NCAM2: variants seen among roughly 807,000 people sequenced by gnomAD.
The protein encoded by NCAM2 is N-CAM-2.
In NCAM2, 30 loss-of-function variants were observed where a neutral mutation model predicts 98.1. That is an observed-to-expected ratio of 0.31 (90% CI 0.23 to 0.41). The LOEUF (loss-of-function observed/expected upper bound fraction) is 0.41. Ranked by LOEUF, NCAM2 falls within the 10% of genes least tolerant of loss-of-function variation. NCAM2 has a pLI of 1.00. For missense variants in NCAM2, 867 were observed against 1,005.8 expected, an observed-to-expected ratio of 0.86 and a Z score of 1.87; for synonymous variants, 368 against 342.4, an observed-to-expected ratio of 1.07 and a Z score of -0.83.
chr21:21,447,688 A>T (rs1602369658), intron 12 of NCAM2, among the ~76,000 whole-genome samples: 1 of 152,148 alleles, frequency 6.6e-6, no homozygotes, highest in African/African-American at 2.4e-5. Context: ...GAACTTAAAC[A>T]AATTTACAAG....
chr21:21,251,150 A>T (rs2071454932), intron 1 of NCAM2, among the ~76,000 whole-genome samples: 1 of 151,970 alleles, frequency 6.6e-6, no homozygotes, highest in African/African-American at 2.4e-5. Flanking sequence ...AGCCAGAATT[A>T]TTATTTTATT....
At chr21:21,460,732 C>T (rs1043058655) in intron 12 of NCAM2, among the ~76,000 whole-genome samples, 3 of 151,792 alleles carry the variant, frequency 2.0e-5, no homozygotes, top group African/African-American at 7.2e-5. Flanking sequence ...TATGTGTCCT[C>T]ACAAGATCCT....
intron 1 of NCAM2, among the ~76,000 whole-genome samples, chr21:21,185,979 G>GTAA (rs2146938593): frequency 6.6e-6 from 1 of 152,278 alleles, no homozygotes; most frequent in East Asian, 1.9e-4. Context: ...GATTGCAGTG[G>GTAA]TAATAACATA....
At chr21:21,318,286 T>A (rs2074276911) in intron 5 of NCAM2, among the ~76,000 whole-genome samples, 2 of 152,194 alleles carry the variant, frequency 1.3e-5, no homozygotes, top group Non-Finnish European at 2.9e-5. Context: ...ATTTATTTAT[T>A]TATATATTTA....
intron 1 of NCAM2, among the ~76,000 whole-genome samples, chr21:21,146,270 G>C (rs12185835): frequency 0.97 from 147,376 of 151,852 alleles, 71,654 homozygotes; most frequent in East Asian, 1. Context: ...CACAGCCTTA[G>C]TTTTTATTTT....
chr21:21,494,167 G>A (rs911225719), intron 15 of NCAM2, among the ~76,000 whole-genome samples: 5 of 151,676 alleles, frequency 3.3e-5, no homozygotes, highest in Non-Finnish European at 7.4e-5. Context: ...TTTAGAAAAC[G>A]CAGAAGTTTT....
chr21:21,311,394 G>A (rs1358321297), intron 5 of NCAM2, among the ~76,000 whole-genome samples: 1 of 142,624 alleles, frequency 7.0e-6, no homozygotes, highest in Non-Finnish European at 1.5e-5. Context: ...AGGCTGGAGT[G>A]CAATGATGCA....
At chr21:21,237,994 C>T (rs1206555397) in intron 1 of NCAM2, among the ~76,000 whole-genome samples, 12 of 122,804 alleles carry the variant, frequency 9.8e-5, no homozygotes, top group Non-Finnish European at 1.6e-4. Context: ...CTCGCTCTGT[C>T]GCCCAGGCTG....
intron 1 of NCAM2, chr21:21,210,506 G>T: frequency 7.8e-7 from 1 of 1,279,180 alleles, no homozygotes; most frequent in South Asian, 1.2e-5. Flanking sequence ...AACTCAAAGG[G>T]TGTAAGAGAC....
At chr21:21,137,842 A>AT (rs10645764) in intron 1 of NCAM2, among the ~76,000 whole-genome samples, 3,485 of 149,980 alleles carry the variant, frequency 0.023, 97 homozygotes, top group African/African-American at 0.065. Context: ...TCGTCACTTC[A>AT]TTTTTTTTTT....
chr21:21,123,847 G>GTTTTTTTTTTTTTT (rs1569047303), intron 1 of NCAM2, among the ~76,000 whole-genome samples: 1 of 14,810 alleles, frequency 6.8e-5, no homozygotes. Flanking sequence ...ATTCTTGATT[G>GTTTTTTTTTTTTTT]CTTTTTTTTT....
At chr21:21,102,357 A>G (rs1254297103) in intron 1 of NCAM2, among the ~76,000 whole-genome samples, 1 of 152,054 alleles carries the variant, frequency 6.6e-6, no homozygotes, top group Non-Finnish European at 1.5e-5. Context: ...GGGTGTGACA[A>G]CTTGATAATT....
At chr21:21,248,385 C>T (rs2071356201) in intron 1 of NCAM2, among the ~76,000 whole-genome samples, 2 of 151,926 alleles carry the variant, frequency 1.3e-5, no homozygotes, top group East Asian at 3.9e-4. Context: ...ATTGAGTAAC[C>T]TTACTTTTCT....
chr21:21,246,055 G>A (rs1026970020), intron 1 of NCAM2, among the ~76,000 whole-genome samples: 6 of 152,162 alleles, frequency 3.9e-5, no homozygotes, highest in African/African-American at 1.4e-4. Flanking sequence ...TAGCTAAAAT[G>A]ACAGCGTACT....
Position 21,280,636 on chromosome 21 carries a change from A to T in NCAM2, c.114A>T (p.Lys38Asn), listed in dbSNP as rs1193520637. 1 of 1,593,382 alleles carries T rather than the reference A, an allele frequency of 6.3e-7. No individual in the cohort carries two copies. The highest frequency in any genetic ancestry group is 8.6e-7 in the Non-Finnish European group (1 of 1,169,586). Residue 38 changes from lysine to asparagine, a missense_variant, in exon 2 of 18, where the codon AAA (lysine) becomes AAT (asparagine). This residue lies in a region of NCAM2 where 447 missense variants were observed against 495.7 expected (regional missense o/e 0.90). Transcript: ENST00000400546. ...SKVELSVGES[K>N]FFTCTAIGEP... ...TAGAGCTTAGTGTTGGAGAATCTAA[A>T]TTCTTCACATGTACAGGTACGTATT...
rs74615456 is a variant in NCAM2, at chr21:21,136,464, C to T, written c.55+137846C>T. 7.8e-4 allele frequency among the ~76,000 whole-genome samples: 114 copies of T among 146,870 alleles called. 1 individual carries two copies. Among genetic ancestry groups the T allele is most frequent in the African/African-American group, 2.5e-3 (99 of 40,182 alleles). ...AAATTGTACTCTACTCAATTTATCT[C>T]TTTTTTTTTTTTTTGGAGACGGAGT... is the stretch of plus-strand genomic sequence containing the variant. On this transcript the variant is annotated intron_variant, in intron 1 of 17. Coordinates refer to ENST00000400546, the MANE Select transcript of NCAM2 (RefSeq NM_004540.5).
At chr21:21,258,531 C>A (rs1458983156) in intron 1 of NCAM2, among the ~76,000 whole-genome samples, 1 of 152,114 alleles carries the variant, frequency 6.6e-6, no homozygotes, top group Non-Finnish European at 1.5e-5. Flanking sequence ...ACCCCTGCAA[C>A]AACCTGCTGA....
intron 7 of NCAM2, among the ~76,000 whole-genome samples, chr21:21,338,018 C>A (rs2074924320): frequency 6.6e-6 from 1 of 152,028 alleles, no homozygotes; most frequent in South Asian, 2.1e-4. Flanking sequence ...TATGTGCACA[C>A]ATATGCACCC....
At chr21:21,373,095 A>C (rs1358374200) in intron 8 of NCAM2, among the ~76,000 whole-genome samples, 1 of 151,844 alleles carries the variant, frequency 6.6e-6, no homozygotes, top group Non-Finnish European at 1.5e-5. Flanking sequence ...CATTTTCTTT[A>C]CTCAACTGCA....
Sources: gnomAD v4.1 joint callset for allele counts (sites outside exome capture counted in the v4.1 genomes callset) on GRCh38, gnomAD v4.1.1 for gene constraint, gnomAD v4.1.1 regional missense constraint, MANE v1.5 for transcripts, NCBI Gene and HGNC (gene_info 2026-07-23, HGNC 2026-07-21) for gene names.